Variants in RPRD2 observed in about 807,000 individuals in gnomAD.
RPRD2 encodes regulation of nuclear pre-mRNA domain containing 2.
RPRD2 carries 12 observed loss-of-function variants against 104.4 expected under a neutral mutation model. The ratio of observed to expected loss-of-function variants is 0.11; its 90% CI spans 0.07 to 0.19. The LOEUF is 0.19. Among genes scored for constraint, RPRD2 ranks in the 10% least tolerant of loss-of-function variants. The pLI is 1.00. For synonymous variants in RPRD2, 714 were observed against 684.9 expected (o/e 1.04, Z -0.66); for missense variants, 1,543 against 1,790.1 (o/e 0.86, Z 2.49).
At chr1:150,369,572 T>A (rs1660129181) in intron 1 of RPRD2, among the ~76,000 whole-genome samples, 2 of 134,406 alleles carry the variant, frequency 1.5e-5, no homozygotes, top group South Asian at 5.1e-4. Context: ...TTCTCCTGCC[T>A]CAGCCTCCCG....
At chr1:150,407,504 C>T (rs1553886808) in intron 1 of RPRD2, among the ~76,000 whole-genome samples, 1 of 152,128 alleles carries the variant, frequency 6.6e-6, no homozygotes, top group East Asian at 1.9e-4. Context: ...CTCAGCCTAA[C>T]GTATGTGACC....
rs747479817 is a variant in RPRD2 at position 150,472,771 on chromosome 1, C to T, written c.3823C>T (p.Pro1275Ser). The T allele has an allele frequency of 6.2e-7, 1 of 1,611,492 alleles. No individual in the cohort carries two copies. Among genetic ancestry groups the T allele is most frequent in the South Asian group, 1.1e-5 (1 of 91,024 alleles). The part of the protein sequence containing the change: ...IPFPTPPPPP[P>S]PGEHSSSGGS... Reference sequence around the variant, plus strand: ...TTTCCCTACCCCACCTCCTCCTCCCCCTCCTGGGGAACATAGCAGCAGTGG... The same window carrying T: ...TTTCCCTACCCCACCTCCTCCTCCCTCTCCTGGGGAACATAGCAGCAGTGG... Residue 1275 changes from proline to serine, a missense_variant, in exon 11 of 11, where the codon CCT becomes TCT. Physicochemically the swap from Pro to Ser is moderately conservative, Grantham distance 74. Around this residue, in one of 4 missense-constraint regions of RPRD2, gnomAD observed 880 missense variants for 885.6 expected, o/e 0.99. Transcript: ENST00000369068.
At chr1:150,389,760 T>G (rs587715191) in intron 1 of RPRD2, among the ~76,000 whole-genome samples, 3 of 152,296 alleles carry the variant, frequency 2.0e-5, no homozygotes, top group South Asian at 2.1e-4. Context: ...TTTTAATGCA[T>G]TACTGGGTGT....
chr1:150,454,610 G>A (rs149192187), intron 7 of RPRD2, among the ~76,000 whole-genome samples: 2,099 of 152,130 alleles, frequency 0.014, 54 homozygotes, highest in African/African-American at 0.048. Flanking sequence ...CACTTTGGGA[G>A]GCTGGGGCAG....
At chr1:150,388,447 CAT>C (rs781938488) in intron 1 of RPRD2, among the ~76,000 whole-genome samples, 29 of 147,512 alleles carry the variant, frequency 2.0e-4, no homozygotes, top group South Asian at 6.4e-4. Context: ...TGTATACACA[CAT>C]ATATATGTAT....
chr1:150,441,654 T>C lies in RPRD2; in HGVS notation c.437-227T>C, dbSNP rs587745590. 1.2e-5 allele frequency: 5 copies of C among 413,962 alleles called. 1 individual carries two copies. The South Asian group carries it at 2.4e-4, about 20-fold the overall frequency. 25.6% of individuals were successfully genotyped at this position (413,962 alleles called of 1,614,324 possible). A position where few individuals can be genotyped will look rare whatever the true frequency, so the allele number is the denominator to read the frequency against. On this transcript the variant is annotated intron_variant, in intron 3 of 10. Coordinates refer to ENST00000369068, the MANE Select transcript of RPRD2 (RefSeq NM_015203.5). ...TGGTATTTTTAAGCCTCCTCCCCTA[T>C]TCTTTTCAGAATTGGTAATTTCGCT... is the stretch of plus-strand genomic sequence containing the variant.
At chr1:150,396,375 A>T (rs181218315) in intron 1 of RPRD2, among the ~76,000 whole-genome samples, 1 of 152,188 alleles carries the variant, frequency 6.6e-6, no homozygotes, top group East Asian at 1.9e-4. Context: ...TCAGCTTTAT[A>T]TCTTTGTTTT....
intron 2 of RPRD2, among the ~76,000 whole-genome samples, chr1:150,438,517 T>C (rs1553893686): frequency 6.7e-6 from 1 of 150,152 alleles, no homozygotes; most frequent in South Asian, 2.1e-4. Context: ...TAATCCCAGC[T>C]ACCCCGGAGG....
chr1:150,397,161 A>G (rs1176064721), intron 1 of RPRD2, among the ~76,000 whole-genome samples: 1 of 152,002 alleles, frequency 6.6e-6, no homozygotes, highest in Non-Finnish European at 1.5e-5. Flanking sequence ...TATAGTAGAG[A>G]GGGGGTTTCA....
intron 2 of RPRD2, among the ~76,000 whole-genome samples, chr1:150,431,300 C>T (rs1553891646): frequency 3.3e-5 from 5 of 151,912 alleles, no homozygotes; most frequent in African/African-American, 1.2e-4. Context: ...TAGATATATA[C>T]CCCAAAAGAA....
At chr1:150,411,307 A>G (rs1663884306) in intron 1 of RPRD2, among the ~76,000 whole-genome samples, 1 of 149,998 alleles carries the variant, frequency 6.7e-6, no homozygotes, top group Non-Finnish European at 1.5e-5. Context: ...CTAAAAATAC[A>G]AAAATTAGCC....
At chr1:150,447,698 C>T (rs1445336090) in intron 7 of RPRD2, among the ~76,000 whole-genome samples, 2 of 152,126 alleles carry the variant, frequency 1.3e-5, no homozygotes, top group Non-Finnish European at 2.9e-5. Context: ...TGTCTAATGA[C>T]CTCTGAAAGA....
At chr1:150,414,519 C>T (rs1482634909) in intron 1 of RPRD2, among the ~76,000 whole-genome samples, 1 of 152,080 alleles carries the variant, frequency 6.6e-6, no homozygotes, top group African/African-American at 2.4e-5. Flanking sequence ...AGGATGATCA[C>T]GGCCAGACTG....
intron 10 of RPRD2, among the ~76,000 whole-genome samples, chr1:150,466,356 C>T (rs1227521544): frequency 8.3e-6 from 1 of 121,014 alleles, no homozygotes; most frequent in Non-Finnish European, 1.7e-5. Flanking sequence ...CCAGCCTGGG[C>T]AAAAGAGCAA....
At chr1:150,425,111 G>A (rs145848188) in intron 2 of RPRD2, among the ~76,000 whole-genome samples, 24 of 152,108 alleles carry the variant, frequency 1.6e-4, no homozygotes, top group African/African-American at 5.1e-4. Flanking sequence ...TTAGTTTCTC[G>A]TCTGTATAAT....
At chr1:150,455,629 T>TAAAAAA (rs59418711) in intron 7 of RPRD2, among the ~76,000 whole-genome samples, 3 of 141,190 alleles carry the variant, frequency 2.1e-5, no homozygotes, top group Non-Finnish European at 3.1e-5. Flanking sequence ...GGACATTAGG[T>TAAAAAA]AAAAAAAAAA....
In RPRD2 at chr1:150,472,383, C is replaced by G; in HGVS notation, c.3435C>G (p.Ala1145=). 6.2e-7 allele frequency: 1 copy of G among 1,614,012 alleles called. No individual in the cohort carries two copies. Among genetic ancestry groups the G allele is most frequent in the South Asian group, 1.1e-5 (1 of 91,084 alleles). The change falls in exon 11 of 11, where the codon GCC becomes GCG. Residue 1145 remains alanine, a synonymous_variant. Coordinates refer to ENST00000369068, the MANE Select transcript of RPRD2 (RefSeq NM_015203.5). ...GSSFDNGPSS[A]SELASLGGGG... The stretch of plus-strand genomic sequence containing the variant: ...CTTTTGACAATGGCCCTTCAAGTGC[C>G]TCTGAGTTGGCATCCCTTGGGGGTG...
chr1:150,439,623 A>C (rs1300464061), intron 2 of RPRD2, among the ~76,000 whole-genome samples: 1 of 134,412 alleles, frequency 7.4e-6, no homozygotes, highest in African/African-American at 2.9e-5. Context: ...TAAGTTTGAC[A>C]TAGCTTTTTT....
chr1:150,437,822 C>T (rs1218407450), intron 2 of RPRD2, among the ~76,000 whole-genome samples: 6 of 152,000 alleles, frequency 3.9e-5, no homozygotes, highest in South Asian at 2.1e-4. Flanking sequence ...TCAGGTGATC[C>T]GCCAGCTTCA....
Sources: gnomAD v4.1 joint callset for allele counts (sites outside exome capture counted in the v4.1 genomes callset) on GRCh38, gnomAD v4.1.1 for gene constraint, gnomAD v4.1.1 regional missense constraint, MANE v1.5 for transcripts, NCBI Gene and HGNC (gene_info 2026-07-23, HGNC 2026-07-21) for gene names.